EHMT1: variants seen among roughly 807,000 people sequenced by gnomAD.
EHMT1 encodes the protein euchromatic histone lysine methyltransferase 1.
A neutral mutation model predicts 147.2 loss-of-function variants in EHMT1; 15 were observed. That is an observed-to-expected ratio of 0.10 (90% CI 0.07 to 0.16). EHMT1 has a LOEUF of 0.16. Ranked by LOEUF, EHMT1 falls within the 10% of genes least tolerant of loss-of-function variation. EHMT1 has a pLI of 1.00. For missense variants in EHMT1, 1,587 were observed against 1,772.4 expected (o/e 0.90, Z 1.88); for synonymous variants, 795 against 709.6 (o/e 1.12, Z -1.91).
intron 1 of EHMT1, among the ~76,000 whole-genome samples, chr9:137,665,613 T>C (rs960105214): frequency 1.3e-5 from 2 of 152,160 alleles, no homozygotes; most frequent in Admixed American, 1.3e-4. Flanking sequence ...CCAGATTCCA[T>C]GTCTAGGTTT....
chr9:137,742,289 TTGTGTGTGTGTGTGTG>T (rs56080406), intron 4 of EHMT1, among the ~76,000 whole-genome samples: 112 of 135,164 alleles, frequency 8.3e-4, no homozygotes, highest in Admixed American at 1.5e-3. Context: ...AGAACCAAAT[TTGTGTGTGTGTGTGTG>T]TGTGTGTGTG....
intron 3 of EHMT1, among the ~76,000 whole-genome samples, chr9:137,724,452 C>T (rs1946395989): frequency 1.3e-5 from 2 of 152,196 alleles, no homozygotes; most frequent in South Asian, 4.1e-4. Flanking sequence ...TAACAAGAGT[C>T]CCAACAAAAC....
chr9:137,784,511 C>T (rs1335559390), intron 15 of EHMT1: 4 of 789,628 alleles, frequency 5.1e-6, no homozygotes, highest in Admixed American at 5.5e-5. Context: ...ACTTTTTGGT[C>T]GTTCTTGCGT....
At chr9:137,635,841 CAA>C (rs1327149175) in intron 1 of EHMT1, among the ~76,000 whole-genome samples, 2 of 151,586 alleles carry the variant, frequency 1.3e-5, no homozygotes, top group Admixed American at 1.3e-4. Context: ...AAACAAAAAA[CAA>C]TATTTTAATG....
At chr9:137,687,044 G>GC (rs1200880213) in intron 1 of EHMT1, among the ~76,000 whole-genome samples, 2 of 152,098 alleles carry the variant, frequency 1.3e-5, no homozygotes, top group Non-Finnish European at 2.9e-5. Context: ...TCATTCTTTT[G>GC]CATGTGGTAA....
intron 1 of EHMT1, among the ~76,000 whole-genome samples, chr9:137,635,569 C>T (rs991705044): frequency 1.3e-5 from 2 of 151,282 alleles, no homozygotes; most frequent in Non-Finnish European, 2.9e-5. Flanking sequence ...GCCTGTAATC[C>T]CAGCACTTTG....
At chr9:137,654,560 T>C (rs748185111) in intron 1 of EHMT1, among the ~76,000 whole-genome samples, 5 of 152,156 alleles carry the variant, frequency 3.3e-5, no homozygotes, top group Non-Finnish European at 7.4e-5. Context: ...CCTCCAAGTT[T>C]GTTCTTCTTT....
intron 10 of EHMT1, among the ~76,000 whole-genome samples, chr9:137,770,520 G>A (rs1950523230): frequency 6.6e-6 from 1 of 152,172 alleles, no homozygotes; most frequent in Non-Finnish European, 1.5e-5. Flanking sequence ...TGATGTGTTG[G>A]GCCAAGTAAT....
intron 6 of EHMT1, among the ~76,000 whole-genome samples, chr9:137,750,752 TGGCTGCCGGAGGGGGCGC>T (rs998419854): frequency 1.3e-5 from 2 of 152,204 alleles, no homozygotes; most frequent in Non-Finnish European, 1.5e-5. Context: ...GCTCAGGACG[TGGCTGCCGGAGGGGGCGC>T]GGCTGCCGGA....
chr9:137,628,173 T>C (rs1450407816), intron 1 of EHMT1, among the ~76,000 whole-genome samples: 1 of 152,206 alleles, frequency 6.6e-6, no homozygotes, highest in Non-Finnish European at 1.5e-5. Flanking sequence ...GTCCCCACCC[T>C]TCTGTGTTTT....
intron 3 of EHMT1, among the ~76,000 whole-genome samples, chr9:137,728,104 C>T (rs1946787797): frequency 6.6e-6 from 1 of 152,212 alleles, no homozygotes; most frequent in South Asian, 2.1e-4. Flanking sequence ...GCCTTTAGCC[C>T]TGTAAATGCT....
At chr9:137,794,095 A>G (rs988010695) in intron 16 of EHMT1, among the ~76,000 whole-genome samples, 1 of 152,220 alleles carries the variant, frequency 6.6e-6, no homozygotes, top group Non-Finnish European at 1.5e-5. Flanking sequence ...CACACTCCTC[A>G]TAGTAATTCA....
intron 1 of EHMT1, among the ~76,000 whole-genome samples, chr9:137,631,094 A>G (rs958614699): frequency 1.3e-5 from 2 of 152,130 alleles, no homozygotes; most frequent in Admixed American, 6.6e-5. Context: ...TTCAAAATTG[A>G]AAAAGTATGG....
chr9:137,667,380 G>A (rs1345973436), intron 1 of EHMT1: 1 of 152,138 alleles, frequency 6.6e-6, no homozygotes, highest in Non-Finnish European at 1.5e-5. Flanking sequence ...ACTTTTCTAG[G>A]AGCCATTTCC....
At position 137,782,546 on chromosome 9, in the gene EHMT1, T is replaced by C; in HGVS notation, c.2382+149T>C. On this transcript the variant is annotated intron_variant, in intron 15 of 26. Transcript: ENST00000460843. The surrounding 1 kb of genome is among the most constrained non-coding windows in gnomAD (Gnocchi z 5.7). ...CAGAGTCAGCTTTTCTGCCCCCGAG[T>C]CCTGCAGGTGGATCAGTGCTTCCCG... The C allele has an allele frequency of 1.4e-6, 1 of 739,550 alleles. No individual in the cohort carries two copies. The highest frequency in any genetic ancestry group is 2.3e-6 in the Non-Finnish European group (1 of 429,958). 45.8% of individuals were successfully genotyped at this position (739,550 alleles called of 1,614,324 possible). A position where few individuals can be genotyped will look rare whatever the true frequency, so the allele number is the denominator to read the frequency against.
rs3125782 is a variant in EHMT1, at chr9:137,728,575, C to T, written c.823+46C>T. 83,755 of 1,612,390 alleles carry T rather than the reference C, an allele frequency of 0.052. 7,402 individuals are homozygous for T. The highest frequency in any genetic ancestry group is 0.4 in the African/African-American group (30,109 of 74,830). On this transcript the variant is annotated intron_variant, in intron 4 of 26. Transcript: ENST00000460843. Reference sequence around the variant, plus strand: ...GTCTCTGCTCTTTGAATGTATGTTTCGAGCCTGCCCCTTGCCAGGTGAGAG... The same window carrying T: ...GTCTCTGCTCTTTGAATGTATGTTTTGAGCCTGCCCCTTGCCAGGTGAGAG...
At chr9:137,634,707 C>CTTTT (rs200814810) in intron 1 of EHMT1, among the ~76,000 whole-genome samples, 4 of 123,488 alleles carry the variant, frequency 3.2e-5, no homozygotes, top group Non-Finnish European at 7.0e-5. Flanking sequence ...TTTCTTCTTT[C>CTTTT]TTTTTTTTTT....
intron 15 of EHMT1, chr9:137,785,215 A>T (rs1951859930): frequency 6.5e-6 from 1 of 153,392 alleles, no homozygotes; most frequent in Admixed American, 6.5e-5. Flanking sequence ...GGCCTAGTGA[A>T]GGGTGTGGCA....
Position 137,776,007 on chromosome 9 carries a change from G to C in EHMT1, c.1792-611G>C, listed in dbSNP as rs539345707. Reference sequence around the variant, plus strand: ...AGCTTCAGGCACCCAGAGATGCCCTGCTGCCCCTTTACGAACATGGGCCAA... The same window carrying C: ...AGCTTCAGGCACCCAGAGATGCCCTCCTGCCCCTTTACGAACATGGGCCAA... On this transcript the variant is annotated intron_variant, in intron 11 of 26. Transcript: ENST00000460843. The surrounding 1 kb of genome is among the most constrained non-coding windows in gnomAD (Gnocchi z 4.4). 1.3e-5 allele frequency among the ~76,000 whole-genome samples: 2 copies of C among 152,158 alleles called. No individual in the cohort carries two copies. The highest frequency in any genetic ancestry group is 4.8e-5 in the African/African-American group (2 of 41,418).
Sources: allele counts gnomAD v4.1 joint callset (sites outside exome capture counted in the v4.1 genomes callset), GRCh38; gene constraint gnomAD v4.1.1; non-coding constraint Gnocchi (gnomAD v3.1); transcripts MANE v1.5; gene names NCBI Gene and HGNC (gene_info 2026-07-23, HGNC 2026-07-21).